Variants in REC114 observed in about 807,000 individuals in gnomAD.
The protein encoded by REC114 is REC114 meiotic recombination protein, also known as meiotic recombination protein REC114.
In REC114, 27 loss-of-function variants were observed where a neutral mutation model predicts 31.3. The observed-to-expected ratio is 0.86, with a 90% CI of 0.64 to 1.19. The LOEUF is 1.19. Among genes scored for constraint, REC114 ranks in the 50% most tolerant of loss-of-function variants. The pLI is 0.00. For missense variants in REC114, 344 were observed against 326.9 expected, an observed-to-expected ratio of 1.05 and a Z score of -0.40; for synonymous variants, 134 against 127.7, an observed-to-expected ratio of 1.05 and a Z score of -0.33.
At position 73,559,801 on chromosome 15, in the gene REC114, G is replaced by A; in HGVS notation, c.686G>A (p.Trp229Ter). ...CCCCATGTCTATGAACAATCTGCAT[G>A]GGGTGCAGAAGAGTTAGGCCCCTTC... ...ELPHVYEQSA[W>*]GAEELGPFLR... The change falls in exon 6 of 6, where the codon TGG becomes TAG. Residue 229 changes from tryptophan to a stop codon, truncating the protein, a stop_gained. Coordinates refer to ENST00000331090, the MANE Select transcript of REC114 (RefSeq NM_001042367.2). LOFTEE classifies it high-confidence loss of function. 1 of 1,610,968 alleles carries A rather than the reference G, an allele frequency of 6.2e-7. No individual in the cohort carries two copies. Among genetic ancestry groups the A allele is most frequent in the African/African-American group, 1.3e-5 (1 of 74,764 alleles).
At chr15:73,546,900 C>A (rs1056014311) in intron 3 of REC114, among the ~76,000 whole-genome samples, 14 of 150,576 alleles carry the variant, frequency 9.3e-5, no homozygotes, top group Non-Finnish European at 1.9e-4. Context: ...TCACCATATA[C>A]AAAAATCAAA....
At chr15:73,521,416 T>G (rs947703061) in intron 2 of REC114, among the ~76,000 whole-genome samples, 3 of 151,976 alleles carry the variant, frequency 2.0e-5, no homozygotes, top group Non-Finnish European at 4.4e-5. Flanking sequence ...AGAGTGAAAA[T>G]CAAGGATTTA....
At chr15:73,516,874 G>T (rs1893865546) in intron 2 of REC114, among the ~76,000 whole-genome samples, 1 of 152,182 alleles carries the variant, frequency 6.6e-6, no homozygotes, top group African/African-American at 2.4e-5. Context: ...TGATCTGCTG[G>T]CCTTGGCCTC....
chr15:73,503,341 T>C (rs181993037), intron 2 of REC114, among the ~76,000 whole-genome samples: 1 of 152,300 alleles, frequency 6.6e-6, no homozygotes, highest in Admixed American at 6.5e-5. Flanking sequence ...AGGGTGAGTT[T>C]TACTGTATGT....
chr15:73,514,098 C>T (rs1189432752), intron 2 of REC114, among the ~76,000 whole-genome samples: 4 of 152,224 alleles, frequency 2.6e-5, no homozygotes, highest in South Asian at 2.1e-4. Context: ...ATCAGCGAGA[C>T]TCCGTGGGGT....
At chr15:73,470,846 TAGA>T (rs1198477842) in intron 1 of REC114, among the ~76,000 whole-genome samples, 1 of 152,168 alleles carries the variant, frequency 6.6e-6, no homozygotes, top group Non-Finnish European at 1.5e-5. Context: ...TCGTGGTATC[TAGA>T]AGAAGAGAAT....
At chr15:73,533,923 G>A (rs1471226982) in intron 2 of REC114, among the ~76,000 whole-genome samples, 3 of 95,974 alleles carry the variant, frequency 3.1e-5, no homozygotes, top group African/African-American at 1.4e-4. Context: ...TGAACAACCT[G>A]CTCCTGAATG....
At chr15:73,482,623 T>G (rs1431250137) in intron 2 of REC114, among the ~76,000 whole-genome samples, 4 of 152,262 alleles carry the variant, frequency 2.6e-5, no homozygotes, top group African/African-American at 9.6e-5. Context: ...CTGTTTCACT[T>G]AGCATAATGT....
At chr15:73,509,075 T>C (rs566469978) in intron 2 of REC114, among the ~76,000 whole-genome samples, 1 of 152,204 alleles carries the variant, frequency 6.6e-6, no homozygotes, top group African/African-American at 2.4e-5. Flanking sequence ...TGTAAAAGTG[T>C]TCCCGTTTCT....
intron 2 of REC114, among the ~76,000 whole-genome samples, chr15:73,519,771 C>T (rs375959285): frequency 1.6e-4 from 24 of 152,262 alleles, no homozygotes; most frequent in African/African-American, 4.8e-4. Context: ...GTGGTATTTA[C>T]GTATAATGGA....
At chr15:73,520,480 T>C (rs904706554) in intron 2 of REC114, among the ~76,000 whole-genome samples, 1 of 152,142 alleles carries the variant, frequency 6.6e-6, no homozygotes, top group Non-Finnish European at 1.5e-5. Flanking sequence ...CCACCCACCT[T>C]GGCCCCCAAA....
chr15:73,547,280 G>A (rs577864441), intron 3 of REC114, among the ~76,000 whole-genome samples: 6 of 152,058 alleles, frequency 3.9e-5, no homozygotes, highest in South Asian at 4.1e-4. Flanking sequence ...ATGGTAAACA[G>A]GTATATGAAA....
chr15:73,461,066 C>T (rs1468228381), intron 1 of REC114, among the ~76,000 whole-genome samples: 1 of 151,702 alleles, frequency 6.6e-6, no homozygotes, highest in Non-Finnish European at 1.5e-5. Flanking sequence ...AATTTTTGTA[C>T]ATTGTAAAAG....
intron 4 of REC114, among the ~76,000 whole-genome samples, chr15:73,555,744 T>A (rs1894457698): frequency 6.6e-6 from 1 of 152,152 alleles, no homozygotes; most frequent in Non-Finnish European, 1.5e-5. Flanking sequence ...ATCTGTAAGT[T>A]TTACTTACAG....
chr15:73,511,953 A>C (rs1183427496), intron 2 of REC114, among the ~76,000 whole-genome samples: 416 of 94,752 alleles, frequency 4.4e-3, no homozygotes, highest in East Asian at 5.9e-3. Context: ...GTAGATGTCT[A>C]TTAGGTCCGC....
intron 3 of REC114, among the ~76,000 whole-genome samples, chr15:73,542,429 G>A (rs185153780): frequency 1.3e-5 from 2 of 152,144 alleles, no homozygotes; most frequent in East Asian, 1.9e-4. Flanking sequence ...TGGCATCTCG[G>A]TAATTCTCCT....
At chr15:73,519,395 C>T (rs578178799) in intron 2 of REC114, among the ~76,000 whole-genome samples, 2 of 152,312 alleles carry the variant, frequency 1.3e-5, no homozygotes, top group South Asian at 4.1e-4. Context: ...ACTTCCCAGC[C>T]TTCAGAACTG....
At chr15:73,505,525 T>A (rs1326756988) in intron 2 of REC114, among the ~76,000 whole-genome samples, 1 of 151,962 alleles carries the variant, frequency 6.6e-6, no homozygotes, top group Non-Finnish European at 1.5e-5. Flanking sequence ...CAACTGCACT[T>A]CTCCTTCCTT....
chr15:73,467,088 G>T (rs987084408), intron 1 of REC114, among the ~76,000 whole-genome samples: 2 of 152,150 alleles, frequency 1.3e-5, no homozygotes, highest in Non-Finnish European at 2.9e-5. Flanking sequence ...AGCTGTAACT[G>T]GGAGTTTCCC....
Sources: allele counts gnomAD v4.1 joint callset (sites outside exome capture counted in the v4.1 genomes callset), GRCh38; gene constraint gnomAD v4.1.1; transcripts MANE v1.5; gene names NCBI Gene and HGNC (gene_info 2026-07-23, HGNC 2026-07-21).